Variants in GPATCH2 observed in about 807,000 individuals in gnomAD.
GPATCH2 encodes G patch domain-containing protein 2.
Under a neutral mutation model 58.0 loss-of-function variants are expected in GPATCH2, and 51 were observed. The ratio of observed to expected loss-of-function variants is 0.88; its 90% CI spans 0.70 to 1.11. The LOEUF (loss-of-function observed/expected upper bound fraction) is 1.11. Ranked by LOEUF, GPATCH2 falls within the 50% of genes most tolerant of loss-of-function variation. The pLI, the probability that GPATCH2 is intolerant of heterozygous loss-of-function variation, is 0.00. For synonymous variants in GPATCH2, 222 were observed against 218.5 expected (o/e 1.02, Z -0.14); for missense variants, 625 against 652.2 (o/e 0.96, Z 0.45).
At chr1:217,622,354 G>A (rs1295687387) in intron 1 of GPATCH2, among the ~76,000 whole-genome samples, 1 of 152,188 alleles carries the variant, frequency 6.6e-6, no homozygotes, top group Non-Finnish European at 1.5e-5. Flanking sequence ...TGGCATTGCG[G>A]TTTGGTTAAT....
At chr1:217,513,114 AC>A (rs1180842445) in intron 6 of GPATCH2, among the ~76,000 whole-genome samples, 1 of 152,112 alleles carries the variant, frequency 6.6e-6, no homozygotes, top group East Asian at 1.9e-4. Flanking sequence ...ACACGGGGAT[AC>A]CCCATCTCTA....
At chr1:217,459,454 A>G (rs1660101647) in intron 8 of GPATCH2, among the ~76,000 whole-genome samples, 1 of 152,150 alleles carries the variant, frequency 6.6e-6, no homozygotes, top group Admixed American at 6.5e-5. Flanking sequence ...TCTTCACACC[A>G]CAGTACCTAG....
intron 8 of GPATCH2, among the ~76,000 whole-genome samples, chr1:217,460,985 G>A (rs577698020): frequency 1.3e-5 from 2 of 152,146 alleles, no homozygotes; most frequent in East Asian, 1.9e-4. Flanking sequence ...TTTCTGCAAC[G>A]TGTCCCATGA....
At chr1:217,514,603 A>G (rs978770526) in intron 6 of GPATCH2, among the ~76,000 whole-genome samples, 2 of 152,262 alleles carry the variant, frequency 1.3e-5, no homozygotes, top group African/African-American at 4.8e-5. Context: ...AATTTCAAAT[A>G]CTATCACAAA....
chr1:217,596,266 T>A (rs2102779897), intron 5 of GPATCH2, among the ~76,000 whole-genome samples: 1 of 152,348 alleles, frequency 6.6e-6, no homozygotes, highest in East Asian at 1.9e-4. Context: ...TGAGATATAT[T>A]ATTTTAGTAG....
chr1:217,485,857 C>T (rs1661429822), intron 8 of GPATCH2, among the ~76,000 whole-genome samples: 1 of 152,200 alleles, frequency 6.6e-6, no homozygotes, highest in East Asian at 1.9e-4. Context: ...TCTGGGACCA[C>T]TGTCATATAT....
intron 5 of GPATCH2, among the ~76,000 whole-genome samples, chr1:217,522,231 A>C (rs1026344413): frequency 1.3e-5 from 2 of 152,230 alleles, no homozygotes; most frequent in Non-Finnish European, 2.9e-5. Context: ...ACTTCTAATT[A>C]TTAAATACAT....
chr1:217,609,202 C>T, intron 5 of GPATCH2: 1 of 983,796 alleles, frequency 1.0e-6, no homozygotes, highest in Non-Finnish European at 1.2e-6. Context: ...AGAAACATTA[C>T]ATTTTCCCCC....
chr1:217,541,105 G>C (rs913928737), intron 5 of GPATCH2, among the ~76,000 whole-genome samples: 1 of 152,158 alleles, frequency 6.6e-6, no homozygotes, highest in South Asian at 2.1e-4. Flanking sequence ...TCTGTATTAA[G>C]TTCTTTCATC....
chr1:217,610,003 T>C, intron 5 of GPATCH2: 1 of 1,407,820 alleles, frequency 7.1e-7, no homozygotes, highest in South Asian at 1.7e-5. Flanking sequence ...AAAGGAAGAA[T>C]ACCAGTCCTC....
chr1:217,485,459 CTT>C (rs56048191), intron 8 of GPATCH2, among the ~76,000 whole-genome samples: 17,764 of 136,876 alleles, frequency 0.13, 2,207 homozygotes, highest in African/African-American at 0.34. Context: ...GGTTGAATAT[CTT>C]TTTTTTTTTT....
chr1:217,622,949 T>C (rs1473091768), intron 1 of GPATCH2, among the ~76,000 whole-genome samples: 1 of 152,238 alleles, frequency 6.6e-6, no homozygotes, highest in Non-Finnish European at 1.5e-5. Flanking sequence ...ACTACACTGA[T>C]AAGCCAAGTG....
chr1:217,512,289 T>C (rs1404131787), intron 6 of GPATCH2, among the ~76,000 whole-genome samples: 7 of 152,106 alleles, frequency 4.6e-5, no homozygotes, highest in South Asian at 4.2e-4. Flanking sequence ...GATTGCACCA[T>C]TGCACTCCAG....
chr1:217,529,390 G>A (rs1664076354), intron 5 of GPATCH2, among the ~76,000 whole-genome samples: 1 of 152,134 alleles, frequency 6.6e-6, no homozygotes, highest in African/African-American at 2.4e-5. Context: ...CCTCTGCATG[G>A]TAGTGAGTTC....
chr1:217,623,404 A>G (rs542984374), intron 1 of GPATCH2, among the ~76,000 whole-genome samples: 1 of 152,158 alleles, frequency 6.6e-6, no homozygotes, highest in Non-Finnish European at 1.5e-5. Flanking sequence ...ATACTCTTCA[A>G]TTAATTTTGT....
intron 9 of GPATCH2, among the ~76,000 whole-genome samples, chr1:217,434,160 C>T (rs1002741632): frequency 6.6e-6 from 1 of 152,150 alleles, no homozygotes; most frequent in South Asian, 2.1e-4. Context: ...AACTACTTGC[C>T]TCTTGAGTGG....
intron 5 of GPATCH2, among the ~76,000 whole-genome samples, chr1:217,555,324 G>A (rs1270052054): frequency 6.6e-6 from 1 of 152,096 alleles, no homozygotes; most frequent in Non-Finnish European, 1.5e-5. Context: ...TAAGGTTATA[G>A]AGGAATCAAA....
intron 1 of GPATCH2, 45 bp from the exon 2 acceptor site, chr1:217,620,544 C>G: frequency 9.3e-7 from 1 of 1,073,412 alleles, no homozygotes; most frequent in Non-Finnish European, 1.4e-6. Flanking sequence ...CAGTCTTAAC[C>G]ACAGTAACCT....
At chr1:217,627,619 G>A (rs189881733) in intron 1 of GPATCH2, among the ~76,000 whole-genome samples, 1 of 152,006 alleles carries the variant, frequency 6.6e-6, no homozygotes, top group African/African-American at 2.4e-5. Context: ...GCTCCTGGCA[G>A]CTTCTACTTT....
Sources: gnomAD v4.1 joint callset for allele counts (sites outside exome capture counted in the v4.1 genomes callset) on GRCh38, gnomAD v4.1.1 for gene constraint, MANE v1.5 for transcripts, NCBI Gene and HGNC (gene_info 2026-07-23, HGNC 2026-07-21) for gene names.